Variants in CELF2 observed in about 807,000 individuals in gnomAD.
CELF2 encodes the protein CUGBP Elav-like family member 2, also known as CUG triplet repeat RNA-binding protein 2.
In CELF2, 8 loss-of-function variants were observed where a neutral mutation model predicts 62.6. The ratio of observed to expected loss-of-function variants is 0.13; its 90% CI spans 0.07 to 0.23. The LOEUF is 0.23. Ranked by LOEUF, CELF2 falls within the 10% of genes least tolerant of loss-of-function variation. CELF2 has a pLI of 1.00. For missense variants in CELF2, 333 were observed against 671.0 expected (o/e 0.50, Z 5.56); for synonymous variants, 258 against 250.0 (o/e 1.03, Z -0.30).
At chr10:10,776,059 C>G in the CELF2 span, among the ~76,000 whole-genome samples, 2 of 152,208 alleles carry the variant, frequency 1.3e-5, no homozygotes, top group Admixed American at 1.3e-4. Context: ...ATAGAAACCT[C>G]CACTTCAAAA....
chr10:11,163,935 T>C (rs2066333585), intron 1 of CELF2, among the ~76,000 whole-genome samples: 1 of 152,188 alleles, frequency 6.6e-6, no homozygotes, highest in South Asian at 2.1e-4. Flanking sequence ...ATTTGTCTGG[T>C]GTTTCATTTT....
rs1234994662 is a variant in CELF2 at position 11,328,001 on chromosome 10, C to T, written c.1439-925C>T. Among the ~76,000 whole-genome samples, 1 of 152,244 alleles carries T rather than the reference C, an allele frequency of 6.6e-6. No homozygotes were observed. Among genetic ancestry groups the T allele is most frequent in the African/African-American group, 2.4e-5 (1 of 41,468 alleles). On this transcript the variant is annotated intron_variant, in intron 12 of 12. Coordinates refer to ENST00000633077, the MANE Select transcript of CELF2 (RefSeq NM_001326342.2). The surrounding 1 kb of genome is among the most constrained non-coding windows in gnomAD (Gnocchi z 6.4). ...CCTTTACAGCCTTGCTATACCTCTG[C>T]TGCTGCCTCCCCCAGTGCTGGAACA... is the stretch of plus-strand genomic sequence containing the variant.
the CELF2 span, among the ~76,000 whole-genome samples, chr10:10,544,441 G>T: frequency 2.0e-5 from 3 of 152,224 alleles, no homozygotes; most frequent in African/African-American, 7.2e-5. Context: ...GAACAAACGG[G>T]TTTTCGCTCT....
the CELF2 span, among the ~76,000 whole-genome samples, chr10:10,743,182 A>T: frequency 3.3e-5 from 5 of 152,198 alleles, no homozygotes; most frequent in African/African-American, 1.2e-4. Flanking sequence ...ATTTTTATCC[A>T]AAAGAAAGTC....
the CELF2 span, among the ~76,000 whole-genome samples, chr10:10,736,472 C>G: frequency 6.8e-6 from 1 of 147,948 alleles, no homozygotes; most frequent in East Asian, 2.0e-4. Flanking sequence ...GTCAAATAGG[C>G]AAAATAATGG....
chr10:10,632,330 C>G, the CELF2 span, among the ~76,000 whole-genome samples: 2 of 152,154 alleles, frequency 1.3e-5, no homozygotes, highest in African/African-American at 4.8e-5. Context: ...ACTTGAGTCA[C>G]GCAGTGATTC....
intron 1 of CELF2, among the ~76,000 whole-genome samples, chr10:11,088,499 G>C (rs2047417819): frequency 6.6e-6 from 1 of 152,156 alleles, no homozygotes; most frequent in Non-Finnish European, 1.5e-5. Flanking sequence ...GGTTAGACCT[G>C]TGGTTTAAGA....
At chr10:10,544,285 G>T in the CELF2 span, among the ~76,000 whole-genome samples, 1 of 152,170 alleles carries the variant, frequency 6.6e-6, no homozygotes, top group East Asian at 1.9e-4. Flanking sequence ...TACTCCTCCT[G>T]GCAGGGAGCA....
the CELF2 span, among the ~76,000 whole-genome samples, chr10:10,655,569 A>G: frequency 3.6e-5 from 4 of 111,048 alleles, no homozygotes; most frequent in South Asian, 1.5e-3. Context: ...ATAACGCCGC[A>G]TATCTACAAC....
rs116379169 is a variant in CELF2, at chr10:11,237,215, A to C, written c.355-11938A>C. Among the ~76,000 whole-genome samples, 94 of 152,270 alleles carry C rather than the reference A, an allele frequency of 6.2e-4. No individual in the cohort carries two copies. Among genetic ancestry groups the C allele is most frequent in the African/African-American group, 2.2e-3 (93 of 41,548 alleles). ...GGAAAAGAAATTAGGAGAGAGAGAG[A>C]GAGCTAAACTGAGGATTTCAAGGGG... is the stretch of plus-strand genomic sequence containing the variant. On this transcript the variant is annotated intron_variant, in intron 3 of 12. Coordinates refer to ENST00000633077, the MANE Select transcript of CELF2 (RefSeq NM_001326342.2). This position sits in a 1 kb window ranked among gnomAD's most constrained non-coding sequence, Gnocchi z 4.0.
chr10:11,031,499 G>C (rs2060106997), intron 1 of CELF2, among the ~76,000 whole-genome samples: 1 of 152,216 alleles, frequency 6.6e-6, no homozygotes, highest in South Asian at 2.1e-4. Context: ...TAATAGAAAA[G>C]TTAGAGTAGA....
intron 1 of CELF2, among the ~76,000 whole-genome samples, chr10:10,883,818 C>T (rs552671943): frequency 2.6e-5 from 4 of 152,154 alleles, no homozygotes; most frequent in Non-Finnish European, 4.4e-5. Context: ...TAATATGTTT[C>T]GCTTCTGCTA....
intron 1 of CELF2, among the ~76,000 whole-genome samples, chr10:10,852,425 AG>A (rs1455713518): frequency 6.6e-6 from 1 of 152,218 alleles, no homozygotes; most frequent in African/African-American, 2.4e-5. Flanking sequence ...ATGGATTAGT[AG>A]GTGCTGGAGT....
the CELF2 span, among the ~76,000 whole-genome samples, chr10:10,699,588 C>G: frequency 6.6e-6 from 1 of 152,090 alleles, no homozygotes; most frequent in Non-Finnish European, 1.5e-5. Context: ...GGTAGACAGA[C>G]AGTGTGGGGG....
At chr10:10,769,743 G>A in the CELF2 span, among the ~76,000 whole-genome samples, 8 of 152,014 alleles carry the variant, frequency 5.3e-5, no homozygotes, top group East Asian at 1.4e-3. Flanking sequence ...CAGCCTGGGC[G>A]ACAGAGCAAG....
At chr10:10,747,793 G>T in the CELF2 span, among the ~76,000 whole-genome samples, 12 of 152,128 alleles carry the variant, frequency 7.9e-5, no homozygotes, top group Admixed American at 1.3e-4. Flanking sequence ...TGCAAGCTCC[G>T]CTTCCAGGGT....
intron 1 of CELF2, among the ~76,000 whole-genome samples, chr10:10,808,739 C>A (rs1032434741): frequency 6.6e-6 from 1 of 152,092 alleles, no homozygotes; most frequent in African/African-American, 2.4e-5. Context: ...CAACATGAAA[C>A]ACAGAAAATT....
the CELF2 span, among the ~76,000 whole-genome samples, chr10:10,465,191 T>C: frequency 6.6e-6 from 1 of 152,148 alleles, no homozygotes; most frequent in African/African-American, 2.4e-5. Context: ...CATTTGACAG[T>C]TGCTCAATTT....
the CELF2 span, among the ~76,000 whole-genome samples, chr10:10,495,429 C>A: frequency 6.6e-6 from 1 of 152,154 alleles, no homozygotes; most frequent in Non-Finnish European, 1.5e-5. Context: ...GGTGTTTCCA[C>A]CCAATATTTA....
Sources: allele counts gnomAD v4.1 joint callset (sites outside exome capture counted in the v4.1 genomes callset), GRCh38; gene constraint gnomAD v4.1.1; non-coding constraint Gnocchi (gnomAD v3.1); transcripts MANE v1.5; gene names NCBI Gene and HGNC (gene_info 2026-07-23, HGNC 2026-07-21).